Variants in COPS7A observed in about 807,000 individuals in gnomAD.
The protein encoded by COPS7A is COP9 signalosome complex subunit 7a.
A neutral mutation model predicts 35.2 loss-of-function variants in COPS7A; 20 were observed. The ratio of observed to expected loss-of-function variants is 0.57; its 90% confidence interval spans 0.40 to 0.83. The LOEUF is 0.83. Ranked by LOEUF, COPS7A falls within the 40% of genes least tolerant of loss-of-function variation. COPS7A has a pLI of 0.00. For missense variants in COPS7A, 247 were observed against 347.5 expected (o/e 0.71, Z 2.30); for synonymous variants, 139 against 141.4 (o/e 0.98, Z 0.12).
chr12:6,727,746 G>A, intron 2 of COPS7A, 180 bp from the exon 3 acceptor site: 1 of 698,868 alleles, frequency 1.4e-6, no homozygotes, highest in Non-Finnish European at 2.6e-6. Context: ...GCCTGAAGGT[G>A]GAAATGAGCC....
At position 6,728,596 on chromosome 12, in the gene COPS7A, C is replaced by A. The variant is rs924843027; in HGVS notation, c.327+285C>A. Among the ~76,000 whole-genome samples, 9 of 152,272 alleles carry A rather than the reference C, an allele frequency of 5.9e-5. No homozygotes were observed. The South Asian group carries it at 1.9e-3, about 32-fold the overall frequency. On this transcript the variant is annotated intron_variant, in intron 4 of 7. Transcript: ENST00000543155. ...AGGTGTCGTTCAACAATACCTTCTT[C>A]CCCACTGCTGGAAACAGGGCTCTCC...
Position 6,727,923 on chromosome 12 carries a change from C to T in COPS7A, c.163-3C>T, listed in dbSNP as rs1169354286. ...GTCACCTCCTTTTTCCTCATTCTCGCAGCTGGCTGAGAGTGACTTTGCCTC... is the reference window on the plus strand; with the variant it reads ...GTCACCTCCTTTTTCCTCATTCTCGTAGCTGGCTGAGAGTGACTTTGCCTC... On this transcript the variant is annotated splice_region_variant and splice_polypyrimidine_tract_variant and intron_variant, in intron 2 of 7. Transcript: ENST00000543155. 1 of 1,614,100 alleles carries T rather than the reference C, an allele frequency of 6.2e-7. No homozygotes were observed. Among genetic ancestry groups the T allele is most frequent in the Non-Finnish European group, 8.5e-7 (1 of 1,179,992 alleles).
chr12:6,725,571 C>T, intron 2 of COPS7A: 1 of 453,594 alleles, frequency 2.2e-6, no homozygotes, highest in Non-Finnish European at 4.5e-6. Flanking sequence ...GTTAAATTAG[C>T]ATGCCCTTTT....
In COPS7A at chr12:6,724,196, G is replaced by T; in HGVS notation, c.-44+17G>T. On this transcript the variant is annotated intron_variant, in intron 1 of 7. Transcript: ENST00000543155. ...TGACCCAGGGTACGACGAAGCAGTC[G>T]GCGGGAGCCCACGGTCGCTGGGCGG... 3.6e-6 allele frequency: 1 copy of T among 276,762 alleles called. No individual in the cohort carries two copies. The highest frequency in any genetic ancestry group is 2.8e-5 in the South Asian group (1 of 36,286). The allele number at this position is 276,762 out of a possible 1,614,324, so 17.1% of individuals were successfully genotyped here. A position where few individuals can be genotyped will look rare whatever the true frequency, so the allele number is the denominator to read the frequency against.
chr12:6,728,567 G>T (rs1373788769), intron 4 of COPS7A, among the ~76,000 whole-genome samples: 1 of 152,184 alleles, frequency 6.6e-6, no homozygotes, highest in African/African-American at 2.4e-5. Context: ...CTAGGATGTT[G>T]TTCAGGTGTC....
chr12:6,731,439 A>C lies in COPS7A; in HGVS notation c.*400A>C. On this transcript the variant is annotated 3_prime_UTR_variant, in exon 8 of 8. Transcript: ENST00000543155. ...CCTGCATGCCTGATCCCCAGTTCCTATACCCTACCCCTGACCTATTGAGCA... is the reference window on the plus strand; with the variant it reads ...CCTGCATGCCTGATCCCCAGTTCCTCTACCCTACCCCTGACCTATTGAGCA... The C allele has an allele frequency of 1.4e-6, 1 of 710,190 alleles. No individual in the cohort carries two copies. The highest frequency in any genetic ancestry group is 2.0e-6 in the Non-Finnish European group (1 of 504,720). The allele number at this position is 710,190 out of a possible 1,614,324, so 44.0% of individuals were successfully genotyped here. A position where few individuals can be genotyped will look rare whatever the true frequency, so the allele number is the denominator to read the frequency against.
rs781411141 is a variant in COPS7A, at chr12:6,729,433, C to T, written c.514C>T (p.Arg172Ter). Residue 172 changes from arginine to a stop codon, truncating the protein, a stop_gained, in exon 5 of 8, where the codon CGA (arginine) becomes TGA (stop). Coordinates refer to ENST00000543155, the MANE Select transcript of COPS7A (RefSeq NM_001164094.2). LOFTEE classifies it high-confidence loss of function. The surrounding 1 kb of genome is among the most constrained non-coding windows in gnomAD (Gnocchi z 4.2). The stretch of plus-strand genomic sequence containing the variant: ...GCGCCAGGACCTCAGTGCCATTGCC[C>T]GAACCCTGCAGGAATGGTGAGAACC... ...IQRQDLSAIA[R>*]TLQEWCVGCE... is the part of the protein sequence containing the mutation. The T allele has an allele frequency of 3.7e-6, 6 of 1,613,750 alleles. No individual in the cohort carries two copies. The highest frequency in any genetic ancestry group is 2.2e-5 in the East Asian group (1 of 44,872).
chr12:6,730,703 C>T lies in COPS7A; in HGVS notation c.671C>T (p.Thr224Met), dbSNP rs758397165. 13 of 1,614,048 alleles carry T rather than the reference C, an allele frequency of 8.1e-6. No individual in the cohort carries two copies. Among genetic ancestry groups the T allele is most frequent in the Middle Eastern group, 1.6e-4 (1 of 6,084 alleles). The change falls in exon 7 of 8, where the codon ACG (threonine) becomes ATG (methionine). Residue 224 changes from threonine to methionine, a missense_variant. Physicochemically the swap from Thr to Met is moderately conservative, Grantham distance 81 (BLOSUM62 -1). Transcript: ENST00000543155. ...ANLKKTIKVTTAAAAAATSQD... is the reference protein window; with the variant it reads ...ANLKKTIKVTMAAAAAATSQD... ...CTTAAAAAAACCATTAAAGTTACGA[C>T]GGCAGCAGCAGCCGCAGCCACATCT...
intron 6 of COPS7A, 76 bp downstream of exon 6, chr12:6,730,583 CA>C: frequency 6.2e-7 from 1 of 1,610,456 alleles, no homozygotes; most frequent in Non-Finnish European, 8.5e-7. Context: ...AGAATTTGGA[CA>C]GTGGCTGTAG....
intron 5 of COPS7A, 68 bp from the exon 6 acceptor site, chr12:6,730,334 G>A: frequency 6.7e-7 from 1 of 1,502,560 alleles, no homozygotes; most frequent in South Asian, 1.1e-5. Flanking sequence ...TTCTTTTTGA[G>A]TCAGTTTTCT....
At chr12:6,727,804 A>C (rs1941294919) in intron 2 of COPS7A, 122 bp from the exon 3 acceptor site, 2 of 840,938 alleles carry the variant, frequency 2.4e-6, no homozygotes, top group Non-Finnish European at 4.0e-6. Flanking sequence ...CCTTTTGGTG[A>C]GCCAGGAGAG....
rs905863476 is a variant in COPS7A, at chr12:6,729,854, C to T, written c.530+405C>T. Among the ~76,000 whole-genome samples the T allele has an allele frequency of 6.6e-6, 1 of 152,118 alleles. No homozygotes were observed. Among genetic ancestry groups the T allele is most frequent in the African/African-American group, 2.4e-5 (1 of 41,436 alleles). ...TGTATTCATTAAGTCACCTCTTTTTCTCTTTGGCATCTCCTACCCTATTTT... is the reference window on the plus strand; with the variant it reads ...TGTATTCATTAAGTCACCTCTTTTTTTCTTTGGCATCTCCTACCCTATTTT... On this transcript the variant is annotated intron_variant, in intron 5 of 7. Coordinates refer to ENST00000543155, the MANE Select transcript of COPS7A (RefSeq NM_001164094.2). The surrounding 1 kb of genome is among the most constrained non-coding windows in gnomAD (Gnocchi z 4.2).
chr12:6,730,007 G>C (rs531695097), intron 5 of COPS7A, among the ~76,000 whole-genome samples: 13 of 152,194 alleles, frequency 8.5e-5, no homozygotes, highest in African/African-American at 3.1e-4. Context: ...CCTGGTGAGG[G>C]TTCCCAACTC....
chr12:6,724,860 A>G, intron 2 of COPS7A, 42 bp downstream of exon 2: 1 of 1,605,444 alleles, frequency 6.2e-7, no homozygotes, highest in Non-Finnish European at 8.5e-7. Context: ...AGCGTGGGCA[A>G]AGGTTTGAAT....
intron 2 of COPS7A, 193 bp from the exon 3 acceptor site, chr12:6,727,733 A>G (rs1265698428): frequency 7.2e-6 from 5 of 690,284 alleles, no homozygotes; most frequent in South Asian, 4.5e-5. Flanking sequence ...AGTGTAAACA[A>G]AAGCCTGAAG....
Position 6,731,063 on chromosome 12 carries a change from G to A in COPS7A, c.*24G>A, listed in dbSNP as rs1941382859. 6.2e-7 allele frequency: 1 copy of A among 1,614,000 alleles called. No homozygotes were observed. Among genetic ancestry groups the A allele is most frequent in the Non-Finnish European group, 8.5e-7 (1 of 1,179,976 alleles). On this transcript the variant is annotated 3_prime_UTR_variant, in exon 8 of 8. Coordinates refer to ENST00000543155, the MANE Select transcript of COPS7A (RefSeq NM_001164094.2). The stretch of plus-strand genomic sequence containing the variant: ...GAAAGGACTGTCGTTTCCTCCCTGG[G>A]GATGTGGGGTCCCAGCTGCCTGCCT...
chr12:6,727,847 G>T (rs555603047), intron 2 of COPS7A, 79 bp from the exon 3 acceptor site: 5 of 1,379,554 alleles, frequency 3.6e-6, no homozygotes, highest in Non-Finnish European at 5.2e-6. Flanking sequence ...GGGCCAAAAA[G>T]TGGAGTTCCA....
chr12:6,726,142 G>A (rs1941246687), intron 2 of COPS7A, among the ~76,000 whole-genome samples: 1 of 152,158 alleles, frequency 6.6e-6, no homozygotes, highest in African/African-American at 2.4e-5. Context: ...GTGAAACCCC[G>A]TCTCTACTAA....
chr12:6,727,325 A>G, intron 2 of COPS7A, among the ~76,000 whole-genome samples: 1 of 127,262 alleles, frequency 7.9e-6, no homozygotes. Context: ...TAACAGAGGG[A>G]GACTCTGTCT....
Sources: allele counts gnomAD v4.1 joint callset (sites outside exome capture counted in the v4.1 genomes callset), GRCh38; gene constraint gnomAD v4.1.1; non-coding constraint Gnocchi (gnomAD v3.1); transcripts MANE v1.5; gene names NCBI Gene and HGNC (gene_info 2026-07-23, HGNC 2026-07-21).